SEMA6D: variants seen among roughly 807,000 people sequenced by gnomAD.
The protein encoded by SEMA6D is semaphorin 6D, also known as semaphorin-6D.
A neutral mutation model predicts 106.6 loss-of-function variants in SEMA6D; 35 were observed. That is an observed-to-expected ratio of 0.33 (90% CI 0.25 to 0.44). SEMA6D has a LOEUF of 0.44. Ranked by LOEUF, SEMA6D falls within the 20% of genes least tolerant of loss-of-function variation. The pLI, the probability that SEMA6D is intolerant of heterozygous loss-of-function variation, is 1.00. For synonymous variants in SEMA6D, 499 were observed against 487.7 expected (o/e 1.02, Z -0.31); for missense variants, 1,185 against 1,345.9 (o/e 0.88, Z 1.87).
chr15:47,534,769 C>G (rs902503428), intron 3 of SEMA6D, among the ~76,000 whole-genome samples: 1 of 151,930 alleles, frequency 6.6e-6, no homozygotes, highest in African/African-American at 2.4e-5. Context: ...ATCTCATGCT[C>G]CCTTACCTGC....
rs375158444 is a variant in SEMA6D at position 47,676,690 on chromosome 15, A to G, written c.-55+75794A>G. ...AGAAATAGTGTGAACCCGAGAGCCA[A>G]TGCAGGCTAGGGTACTGTTCAAGTT... On this transcript the variant is annotated intron_variant, in intron 4 of 19. Coordinates refer to the SEMA6D transcript ENST00000558014. 5.3e-5 allele frequency among the ~76,000 whole-genome samples: 8 copies of G among 152,222 alleles called. No homozygotes were observed. The South Asian group carries it at 6.2e-4, about 12-fold the overall frequency.
chr15:47,286,933 C>T (rs1050332578), intron 1 of SEMA6D, among the ~76,000 whole-genome samples: 3 of 152,140 alleles, frequency 2.0e-5, no homozygotes, highest in East Asian at 1.9e-4. Context: ...TGGAGCTATT[C>T]AACCCATCAA....
chr15:47,759,450 A>T (rs926386756), intron 1 of SEMA6D, among the ~76,000 whole-genome samples: 2 of 152,196 alleles, frequency 1.3e-5, no homozygotes, highest in African/African-American at 4.8e-5. Context: ...CCAAGTCAGC[A>T]GCTAGCATTT....
chr15:47,286,990 C>T (rs2035393377), intron 1 of SEMA6D, among the ~76,000 whole-genome samples: 2 of 152,142 alleles, frequency 1.3e-5, no homozygotes, highest in South Asian at 4.1e-4. Context: ...ATACATTTCT[C>T]CCCCTCTTCC....
At chr15:47,470,508 A>C (rs1019808184) in exon 3 of SEMA6D, 1 of 152,002 alleles carries the variant, frequency 6.6e-6, no homozygotes, top group African/African-American at 2.4e-5. Context: ...TCGCAAATCG[A>C]CAGCCTGAAG....
intron 3 of SEMA6D, among the ~76,000 whole-genome samples, chr15:47,593,607 G>T (rs1366399728): frequency 6.6e-6 from 1 of 151,798 alleles, no homozygotes; most frequent in Non-Finnish European, 1.5e-5. Flanking sequence ...AAGATTCCAG[G>T]GTGAAGTGGT....
intron 3 of SEMA6D, among the ~76,000 whole-genome samples, chr15:47,564,207 G>A (rs2142754962): frequency 6.6e-6 from 1 of 152,254 alleles, no homozygotes; most frequent in Admixed American, 6.5e-5. Context: ...AAAGACAAGA[G>A]TCAGCCTGCC....
At chr15:47,717,837 T>C (rs1484688313) in intron 1 of SEMA6D, 145 bp downstream of exon 1, 9 of 25,912 alleles carry the variant, frequency 3.5e-4, no homozygotes, top group African/African-American at 1.0e-3. Context: ...AATCGCTGTG[T>C]GTGTGTGTGT....
intron 3 of SEMA6D, among the ~76,000 whole-genome samples, chr15:47,510,798 T>C (rs1331113468): frequency 1.3e-5 from 2 of 152,122 alleles, no homozygotes; most frequent in Non-Finnish European, 2.9e-5. Flanking sequence ...CCTGGAAGAA[T>C]GATGATGCTT....
chr15:47,402,012 A>C (rs928968529), intron 1 of SEMA6D, among the ~76,000 whole-genome samples: 16 of 152,170 alleles, frequency 1.1e-4, no homozygotes, highest in African/African-American at 3.4e-4. Context: ...TCTTAAGATA[A>C]ACTGGTAAAT....
At chr15:47,294,242 T>C (rs1233874987) in intron 1 of SEMA6D, among the ~76,000 whole-genome samples, 1 of 148,770 alleles carries the variant, frequency 6.7e-6, no homozygotes, top group Non-Finnish European at 1.5e-5. Context: ...CTCTCTCTCT[T>C]TTTTTTTTCT....
chr15:47,188,561 G>C (rs1893730224), intron 1 of SEMA6D, among the ~76,000 whole-genome samples: 1 of 151,902 alleles, frequency 6.6e-6, no homozygotes, highest in African/African-American at 2.4e-5. Flanking sequence ...TTTTGCTTTA[G>C]GCACAAGAAA....
intron 2 of SEMA6D, among the ~76,000 whole-genome samples, chr15:47,425,632 A>G (rs979111868): frequency 2.0e-5 from 3 of 151,184 alleles, no homozygotes; most frequent in Non-Finnish European, 2.9e-5. Flanking sequence ...ATGCAACTGA[A>G]ATTTGTTTCA....
At chr15:47,429,269 A>T (rs1237907894) in intron 2 of SEMA6D, among the ~76,000 whole-genome samples, 1 of 152,098 alleles carries the variant, frequency 6.6e-6, no homozygotes, top group Non-Finnish European at 1.5e-5. Context: ...GACCTCAGAT[A>T]AGTTGCTTAA....
intron 3 of SEMA6D, among the ~76,000 whole-genome samples, chr15:47,599,364 A>G (rs1009710710): frequency 2.0e-5 from 3 of 151,980 alleles, no homozygotes; most frequent in African/African-American, 7.2e-5. Flanking sequence ...AAGGTAAACA[A>G]ACTTTCCAGA....
At chr15:47,222,992 T>C (rs966642186) in intron 1 of SEMA6D, among the ~76,000 whole-genome samples, 2 of 152,170 alleles carry the variant, frequency 1.3e-5, no homozygotes, top group Non-Finnish European at 2.9e-5. Context: ...CATTCATATT[T>C]TATTCATCAT....
chr15:47,309,305 T>C (rs2036352091), intron 1 of SEMA6D, among the ~76,000 whole-genome samples: 1 of 152,190 alleles, frequency 6.6e-6, no homozygotes, highest in Admixed American at 6.5e-5. Context: ...CTGTCCTCCA[T>C]CCTGTTCTGT....
chr15:47,618,162 C>T (rs2144108073), intron 4 of SEMA6D, among the ~76,000 whole-genome samples: 1 of 152,328 alleles, frequency 6.6e-6, no homozygotes, highest in East Asian at 1.9e-4. Flanking sequence ...TTAATTGGCA[C>T]TCTTTCAGTG....
chr15:47,409,666 G>C (rs1318814983), intron 1 of SEMA6D, among the ~76,000 whole-genome samples: 1 of 152,090 alleles, frequency 6.6e-6, no homozygotes, highest in African/African-American at 2.4e-5. Context: ...TGAGAAAACT[G>C]AGTTGTAGAG....
Sources: gnomAD v4.1 joint callset for allele counts (sites outside exome capture counted in the v4.1 genomes callset) on GRCh38, gnomAD v4.1.1 for gene constraint, MANE v1.5 for transcripts, NCBI Gene and HGNC (gene_info 2026-07-23, HGNC 2026-07-21) for gene names.